RAB6A: variants seen among roughly 807,000 people sequenced by gnomAD.
The protein encoded by RAB6A is RAB6A, member RAS oncogene family.
RAB6A carries 8 observed loss-of-function variants against 32.3 expected under a neutral mutation model. The ratio of observed to expected loss-of-function variants is 0.25; its 90% CI spans 0.15 to 0.45. The LOEUF (loss-of-function observed/expected upper bound fraction) is 0.45. Ranked by LOEUF, RAB6A falls within the 20% of genes least tolerant of loss-of-function variation. The pLI, the probability that RAB6A is intolerant of heterozygous loss-of-function variation, is 1.00. For synonymous variants in RAB6A, 73 were observed against 82.1 expected (o/e 0.89, Z 0.60); for missense variants, 104 against 249.4 (o/e 0.42, Z 3.93).
rs775312541 is a variant in RAB6A, at chr11:73,718,619, T to C, written c.283A>G (p.Ile95Val). 6.2e-6 allele frequency: 10 copies of C among 1,611,894 alleles called. No homozygotes were observed. The South Asian group carries it at 9.9e-5, about 16-fold the overall frequency. ...DSTVAVVVYDITNVNSFQQTT... is the reference protein window; with the variant it reads ...DSTVAVVVYDVTNVNSFQQTT... ...CATAATTCCCTCCACTCACTTGTGA[T>C]ATCATAAACAACAACTGCCACAGTG... The change falls in exon 4 of 8, where the codon ATC becomes GTC. Residue 95 changes from isoleucine (I) to valine (V), a missense_variant. Physicochemically the swap from Ile to Val is conservative, Grantham distance 29. Transcript: ENST00000336083.
At chr11:73,739,284 A>ATATATATATATAT (rs1555066942) in intron 1 of RAB6A, among the ~76,000 whole-genome samples, 1 of 6,760 alleles carries the variant, frequency 1.5e-4, no homozygotes, top group African/African-American at 3.3e-4. Flanking sequence ...AAAAAAAAAA[A>ATATATATATATAT]ATATATATAT....
In RAB6A at chr11:73,707,531, A is replaced by G; in HGVS notation, c.402-18T>C. On this transcript the variant is annotated intron_variant, in intron 5 of 7. Transcript: ENST00000336083. ...ACACTTGCCTGTAAAGAAACAAACA[A>G]ACTTCTTACTTTTGAGACATGAGGC... is the stretch of plus-strand genomic sequence containing the variant. 1 of 1,552,446 alleles carries G rather than the reference A, an allele frequency of 6.4e-7. No homozygotes were observed. The highest frequency in any genetic ancestry group is 2.2e-5 in the East Asian group (1 of 44,572).
chr11:73,724,282 G>A lies in RAB6A; in HGVS notation c.130-3383C>T, dbSNP rs1243565151. 2.6e-5 allele frequency among the ~76,000 whole-genome samples: 4 copies of A among 152,146 alleles called. No individual in the cohort carries two copies. The East Asian group carries it at 5.8e-4, about 22-fold the overall frequency. On this transcript the variant is annotated intron_variant, in intron 2 of 7. Transcript: ENST00000336083. The stretch of plus-strand genomic sequence containing the variant: ...CATTCACTTGAGAATATATTAGTTC[G>A]AACATCAAAGTACATTTGTTGATAT...
chr11:73,686,059 G>A (rs1384198505), intron 6 of RAB6A, among the ~76,000 whole-genome samples: 1 of 152,056 alleles, frequency 6.6e-6, no homozygotes, highest in Non-Finnish European at 1.5e-5. Context: ...GCTCAATTCT[G>A]CTTTAAAAAG....
chr11:73,714,207 A>ATATATATATATATATAT (rs56359106), intron 5 of RAB6A, among the ~76,000 whole-genome samples: 20 of 71,678 alleles, frequency 2.8e-4, no homozygotes, highest in South Asian at 5.5e-4. Context: ...AAAAAAAAAA[A>ATATATATATATATATAT]AAATATATAT....
At chr11:73,685,028 A>C (rs541720684) in intron 6 of RAB6A, among the ~76,000 whole-genome samples, 20 of 152,338 alleles carry the variant, frequency 1.3e-4, no homozygotes, top group African/African-American at 4.6e-4. Flanking sequence ...AGTGAAATTG[A>C]AAGGTATTAA....
At chr11:73,723,403 G>A (rs1013591641) in intron 2 of RAB6A, among the ~76,000 whole-genome samples, 1 of 152,048 alleles carries the variant, frequency 6.6e-6, no homozygotes, top group Admixed American at 6.6e-5. Flanking sequence ...TTGGCTCACT[G>A]CAACCTCCGC....
chr11:73,692,571 T>C (rs1590830760), intron 6 of RAB6A, among the ~76,000 whole-genome samples: 1 of 128,106 alleles, frequency 7.8e-6, no homozygotes, highest in Admixed American at 7.7e-5. Flanking sequence ...GAAAAAGAAG[T>C]ATAAAAGGGA....
intron 1 of RAB6A, among the ~76,000 whole-genome samples, chr11:73,736,051 T>C (rs1946389023): frequency 6.6e-6 from 1 of 151,638 alleles, no homozygotes; most frequent in Non-Finnish European, 1.5e-5. Context: ...CTCAACCTCC[T>C]GGGTTGAAAT....
intron 6 of RAB6A, among the ~76,000 whole-genome samples, chr11:73,685,356 T>G (rs1945428935): frequency 6.9e-6 from 1 of 144,644 alleles, no homozygotes; most frequent in Non-Finnish European, 1.5e-5. Flanking sequence ...TGGCGCGATC[T>G]CAGCTCACTG....
chr11:73,746,488 A>T (rs567229438), intron 1 of RAB6A, among the ~76,000 whole-genome samples: 12 of 151,966 alleles, frequency 7.9e-5, no homozygotes, highest in Non-Finnish European at 1.6e-4. Flanking sequence ...AGCCTAGGTG[A>T]CAGAGTGAGA....
intron 6 of RAB6A, among the ~76,000 whole-genome samples, chr11:73,692,097 A>G (rs181966898): frequency 1.3e-5 from 2 of 152,188 alleles, no homozygotes; most frequent in African/African-American, 4.8e-5. Context: ...ACTATCCACA[A>G]TACTACTCAG....
At chr11:73,705,093 G>A (rs1249401725) in intron 6 of RAB6A, among the ~76,000 whole-genome samples, 4 of 152,188 alleles carry the variant, frequency 2.6e-5, no homozygotes, top group Admixed American at 2.6e-4. Context: ...GGTGCTTACT[G>A]TATGCTATCT....
At chr11:73,699,940 A>G (rs1367638839) in intron 6 of RAB6A, among the ~76,000 whole-genome samples, 3 of 152,182 alleles carry the variant, frequency 2.0e-5, no homozygotes, top group African/African-American at 7.2e-5. Flanking sequence ...TCCCATACAT[A>G]TAACATTGCA....
chr11:73,705,286 AC>A, intron 6 of RAB6A, among the ~76,000 whole-genome samples: 1 of 152,266 alleles, frequency 6.6e-6, no homozygotes, highest in East Asian at 1.9e-4. Context: ...GGTGGCTCAC[AC>A]CTGTAATTCC....
intron 2 of RAB6A, among the ~76,000 whole-genome samples, 185 bp from the exon 3 acceptor site, chr11:73,721,084 T>C (rs965410501): frequency 3.3e-5 from 5 of 152,252 alleles, no homozygotes; most frequent in Non-Finnish European, 5.9e-5. Context: ...TATTCAGCAC[T>C]TGCTTCATAT....
chr11:73,704,202 C>T (rs937729063), intron 6 of RAB6A: 19 of 439,718 alleles, frequency 4.3e-5, no homozygotes, highest in African/African-American at 3.6e-4. Flanking sequence ...GGCAACATGG[C>T]AAGAACCTAT....
chr11:73,708,117 A>G (rs1289087133), intron 5 of RAB6A, among the ~76,000 whole-genome samples: 3 of 152,158 alleles, frequency 2.0e-5, no homozygotes, highest in African/African-American at 7.2e-5. Flanking sequence ...GTTGCCCTAA[A>G]TATCTGTGCT....
rs375650535 is a variant in RAB6A, at chr11:73,677,433, CTT to C, written c.*463_*464del. 3.3e-4 allele frequency: 68 copies of C among 206,364 alleles called. 1 individual carries two copies. The East Asian group carries it at 6.7e-3, about 20-fold the overall frequency. 12.8% of individuals were successfully genotyped at this position (206,364 alleles called of 1,614,324 possible). On this transcript the variant is annotated 3_prime_UTR_variant, in exon 8 of 8. Coordinates refer to ENST00000336083, the MANE Select transcript of RAB6A (RefSeq NM_198896.2). ...TGGTAGAACTGCTGCTTTGCCATCT[CTT>C]GTTTGTTTTGAGGAAGTCGGGGGAG...
Sources: allele counts gnomAD v4.1 joint callset (sites outside exome capture counted in the v4.1 genomes callset), GRCh38; gene constraint gnomAD v4.1.1; transcripts MANE v1.5; gene names NCBI Gene and HGNC (gene_info 2026-07-23, HGNC 2026-07-21).